CLASP2: variants seen among roughly 807,000 people sequenced by gnomAD.
The protein encoded by CLASP2 is cytoplasmic linker associated protein 2, also known as CLIP-associating protein 2.
In CLASP2, 47 loss-of-function variants were observed where a neutral mutation model predicts 194.4. That is an observed-to-expected ratio of 0.24 (90% CI 0.19 to 0.31). CLASP2 has a LOEUF of 0.31. CLASP2 is among the 10% of genes least tolerant of loss of function. The pLI is 1.00. For synonymous variants in CLASP2, 619 were observed against 633.5 expected, an observed-to-expected ratio of 0.98 and a Z score of 0.34; for missense variants, 1,445 against 1,823.6, an observed-to-expected ratio of 0.79 and a Z score of 3.78.
intron 9 of CLASP2, among the ~76,000 whole-genome samples, chr3:33,631,279 G>A (rs2079035788): frequency 6.6e-6 from 1 of 152,066 alleles, no homozygotes; most frequent in Non-Finnish European, 1.5e-5. Flanking sequence ...AGTTTTAACT[G>A]GTAAAACAAC....
At chr3:33,632,458 A>T (rs187631874) in intron 8 of CLASP2, 87 bp from the exon 9 acceptor site, 2 of 890,226 alleles carry the variant, frequency 2.2e-6, no homozygotes, top group South Asian at 1.8e-5. Flanking sequence ...AACTCTTTTG[A>T]TATCAACAAA....
chr3:33,514,721 A>G, intron 36 of CLASP2: 1 of 334,380 alleles, frequency 3.0e-6, no homozygotes, highest in Non-Finnish European at 6.1e-6. Context: ...ATACTTGCAC[A>G]CAGGTGTTTA....
chr3:33,689,871 C>G lies in CLASP2; in HGVS notation c.336G>C (p.Gln112His), dbSNP rs1559649192. The stretch of plus-strand genomic sequence containing the variant: ...GATCCATTAACTTCAATATCAGAGT[C>G]TGAGCTTCATCTCGAACCTTGTCTT... ...DAKDKVRDEA[Q>H]TLILKLMDQV... Residue 112 changes from glutamine (Q) to histidine (H), a missense_variant, in exon 3 of 39, where the codon CAG (glutamine) becomes CAC (histidine). Physicochemically the swap from Gln to His is conservative, Grantham distance 24. Coordinates refer to ENST00000682230, the MANE Select transcript of CLASP2 (RefSeq NM_001365631.1). The G allele has an allele frequency of 6.3e-7, 1 of 1,599,724 alleles. No homozygotes were observed. The highest frequency in any genetic ancestry group is 8.5e-7 in the Non-Finnish European group (1 of 1,173,572).
At chr3:33,650,916 C>T (rs564520132) in intron 7 of CLASP2, among the ~76,000 whole-genome samples, 1 of 152,174 alleles carries the variant, frequency 6.6e-6, no homozygotes, top group Admixed American at 6.5e-5. Flanking sequence ...CCCACAATGA[C>T]TTATCTGCAT....
rs1400701717 is a variant in CLASP2 at position 33,663,523 on chromosome 3, T to A, written c.645-8A>T. The stretch of plus-strand genomic sequence containing the variant: ...GCAAATATCATTTCTAATCTGGGAA[T>A]AAAGAATAAATTGGGTTTGTTTGAT... On this transcript the variant is annotated splice_region_variant and splice_polypyrimidine_tract_variant and intron_variant, in intron 6 of 38. Transcript: ENST00000682230. The A allele has an allele frequency of 6.3e-7, 1 of 1,591,178 alleles. No homozygotes were observed.
intron 6 of CLASP2, among the ~76,000 whole-genome samples, chr3:33,665,299 T>G (rs1433729632): frequency 6.6e-6 from 1 of 151,856 alleles, no homozygotes; most frequent in East Asian, 1.9e-4. Flanking sequence ...GAGACAGGAA[T>G]CTGGATGTAA....
intron 6 of CLASP2, among the ~76,000 whole-genome samples, chr3:33,676,248 G>C (rs1181052969): frequency 6.8e-6 from 1 of 147,116 alleles, no homozygotes; most frequent in Non-Finnish European, 1.5e-5. Context: ...TAGATCAATG[G>C]AACAGAACAG....
chr3:33,527,882 G>C (rs898706562), intron 34 of CLASP2, among the ~76,000 whole-genome samples: 17 of 152,138 alleles, frequency 1.1e-4, no homozygotes, highest in Non-Finnish European at 1.2e-4. Context: ...AGAATTACTT[G>C]AACCCAGAAG....
intron 34 of CLASP2, among the ~76,000 whole-genome samples, chr3:33,529,106 T>C (rs1285877241): frequency 6.6e-6 from 1 of 152,070 alleles, no homozygotes; most frequent in Non-Finnish European, 1.5e-5. Context: ...CCTAGGAATA[T>C]AGCTAACCAG....
rs775043156 is a variant in CLASP2, at chr3:33,573,133, T to G, written c.2676A>C (p.Leu892Phe). ...RKEGLLGLQN[L>F]LKNQRTLSRV... ...ACCTTAGTGTTCTCTGATTTTTTAA[T>G]AAGTTCTGCAGACCTAGGAGGCCTT... The change falls in exon 25 of 39, where the codon TTA (leucine) becomes TTC (phenylalanine). Residue 892 changes from leucine (L) to phenylalanine (F), a missense_variant. Around this residue, in one of 4 missense-constraint regions of CLASP2, gnomAD observed 732 missense variants for 987.9 expected, o/e 0.74. Transcript: ENST00000682230. The G allele has an allele frequency of 1.9e-6, 3 of 1,613,600 alleles. No homozygotes were observed. The African/African-American group carries it at 4.0e-5, about 22-fold the overall frequency.
At chr3:33,563,559 A>G (rs1257123278) in intron 27 of CLASP2, among the ~76,000 whole-genome samples, 1 of 152,178 alleles carries the variant, frequency 6.6e-6, no homozygotes, top group East Asian at 1.9e-4. Context: ...GATAGTAAAT[A>G]TCCTAGGGCT....
chr3:33,511,167 G>C (rs535733708), intron 36 of CLASP2, among the ~76,000 whole-genome samples: 4 of 151,718 alleles, frequency 2.6e-5, no homozygotes, highest in Admixed American at 6.6e-5. Flanking sequence ...TGAGTAGTTG[G>C]AACTACAGGC....
chr3:33,540,923 C>T (rs1441172652), intron 32 of CLASP2, among the ~76,000 whole-genome samples: 1 of 152,050 alleles, frequency 6.6e-6, no homozygotes, highest in Admixed American at 6.6e-5. Flanking sequence ...CCGGCATGCA[C>T]CACCACACTC....
chr3:33,529,849 G>A (rs1010532710), intron 34 of CLASP2, among the ~76,000 whole-genome samples: 1 of 151,912 alleles, frequency 6.6e-6, no homozygotes, highest in African/African-American at 2.4e-5. Context: ...GCAGTGGCGG[G>A]CGCCTGTAGT....
intron 30 of CLASP2, among the ~76,000 whole-genome samples, chr3:33,548,786 T>TTTTTTTG (rs2059562975): frequency 6.9e-6 from 1 of 144,696 alleles, no homozygotes; most frequent in Non-Finnish European, 1.5e-5. Flanking sequence ...TTTTTTTTTT[T>TTTTTTTG]GAGTTGGGAG....
intron 34 of CLASP2, among the ~76,000 whole-genome samples, chr3:33,529,934 C>A (rs1244312096): frequency 2.1e-5 from 3 of 145,776 alleles, no homozygotes; most frequent in African/African-American, 5.1e-5. Context: ...GCCGAGATTG[C>A]GCCACTGCGG....
chr3:33,588,064 T>C (rs1321388414), intron 21 of CLASP2, among the ~76,000 whole-genome samples: 1 of 152,156 alleles, frequency 6.6e-6, no homozygotes, highest in Non-Finnish European at 1.5e-5. Flanking sequence ...TTATTAAAAT[T>C]ATGCAAGCGC....
At chr3:33,583,779 AC>A (rs1302242408) in intron 22 of CLASP2, among the ~76,000 whole-genome samples, 2 of 152,230 alleles carry the variant, frequency 1.3e-5, no homozygotes, top group Admixed American at 1.3e-4. Flanking sequence ...AAGACTTAAA[AC>A]AATAAAAAAA....
At chr3:33,577,143 G>A in intron 23 of CLASP2, 2 of 1,228,670 alleles carry the variant, frequency 1.6e-6, no homozygotes, top group African/African-American at 1.5e-5. Context: ...AATGGAAACT[G>A]AAAAGGATAA....
Sources: allele counts gnomAD v4.1 joint callset (sites outside exome capture counted in the v4.1 genomes callset), GRCh38; gene constraint gnomAD v4.1.1; regional missense constraint gnomAD v4.1.1; transcripts MANE v1.5; gene names NCBI Gene and HGNC (gene_info 2026-07-23, HGNC 2026-07-21).